The following PTAFR variants were observed in gnomAD, a reference collection of about 807,000 sequenced individuals.
PTAFR encodes platelet activating factor receptor, also known as platelet-activating factor receptor.
Under a neutral mutation model 14.7 loss-of-function variants are expected in PTAFR, and 8 were observed. That is an observed-to-expected ratio of 0.54 (90% CI 0.32 to 0.98). PTAFR has a LOEUF of 0.98. Among genes scored for constraint, PTAFR ranks in the 50% least tolerant of loss-of-function variants. PTAFR has a pLI of 0.04. For missense variants in PTAFR, 337 were observed against 451.2 expected (o/e 0.75, Z 2.29); for synonymous variants, 156 against 176.5 (o/e 0.88, Z 0.92).
chr1:28,165,901 T>G (rs1557690819), intron 1 of PTAFR, among the ~76,000 whole-genome samples: 1 of 152,238 alleles, frequency 6.6e-6, no homozygotes, highest in Non-Finnish European at 1.5e-5. Context: ...CAAAGTGATC[T>G]ACAGGTTCAA....
In PTAFR at chr1:28,150,280, G is replaced by A; in HGVS notation, c.742C>T (p.His248Tyr). The change falls in exon 2 of 2, where the codon CAC becomes TAC. Residue 248 changes from histidine to tyrosine, a missense_variant. His to Tyr is a moderately conservative substitution (Grantham distance 83). Transcript: ENST00000373857. This position sits in a 1 kb window ranked among gnomAD's most constrained non-coding sequence, Gnocchi z 6.3. ...GTCCAGGGCAGCTGCACCACGTGGT[G>A]GGGCACGAAGCAGATGATGAACACC... ...LAVFIICFVP[H>Y]HVVQLPWTLA... 1.2e-6 allele frequency: 2 copies of A among 1,612,044 alleles called. No homozygotes were observed. The highest frequency in any genetic ancestry group is 2.2e-5 in the South Asian group (2 of 90,970).
At chr1:28,181,042 C>T (rs772754478), upstream of PTAFR, among the ~76,000 whole-genome samples, 4 of 151,992 alleles carry the variant, frequency 2.6e-5, no homozygotes, top group African/African-American at 9.7e-5. Flanking sequence ...CGATCTCAGT[C>T]TCACTGTGTT....
chr1:28,162,565 C>T (rs921211284), intron 1 of PTAFR, among the ~76,000 whole-genome samples: 1 of 152,252 alleles, frequency 6.6e-6, no homozygotes, highest in East Asian at 1.9e-4. Flanking sequence ...GTGGCTCACG[C>T]CTGTCATCCC....
chr1:28,157,754 G>T (rs577362450), intron 1 of PTAFR, among the ~76,000 whole-genome samples: 1 of 149,874 alleles, frequency 6.7e-6, no homozygotes, highest in Non-Finnish European at 1.5e-5. Context: ...TCAGCCTCCC[G>T]AGTGGCTGGG....
exon 1 of PTAFR, chr1:28,193,810 T>G (rs1646677273): frequency 6.6e-6 from 1 of 152,646 alleles, no homozygotes; most frequent in African/African-American, 2.4e-5. Flanking sequence ...CTGGACGGCT[T>G]CTCGGGGAGG....
chr1:28,173,339 C>T lies in PTAFR; in HGVS notation c.-39+3253G>A, dbSNP rs370098662. Among the ~76,000 whole-genome samples, 364 of 148,230 alleles carry T rather than the reference C, an allele frequency of 2.5e-3. 3 individuals are homozygous for T. Among genetic ancestry groups the T allele is most frequent in the African/African-American group, 8.7e-3 (350 of 40,180 alleles). On this transcript the variant is annotated intron_variant, in intron 1 of 1. Transcript: ENST00000373857. ...GGGGGGTGTAGGCCAGGCATGGTGGCTCACATCTGTAATCCCAGCACTTTG... is the reference window on the plus strand; with the variant it reads ...GGGGGGTGTAGGCCAGGCATGGTGGTTCACATCTGTAATCCCAGCACTTTG...
chr1:28,161,188 A>T (rs529459615), intron 1 of PTAFR, among the ~76,000 whole-genome samples: 1 of 152,266 alleles, frequency 6.6e-6, no homozygotes, highest in Admixed American at 6.5e-5. Flanking sequence ...GGTCTGGTTA[A>T]GTGCCCATTC....
intron 1 of PTAFR, among the ~76,000 whole-genome samples, chr1:28,165,868 A>G (rs1013618357): frequency 3.9e-5 from 6 of 152,338 alleles, no homozygotes; most frequent in African/African-American, 1.4e-4. Flanking sequence ...AAGACTTAAT[A>G]TTATTAAAAT....
chr1:28,193,504 A>T (rs865955067), intron 1 of PTAFR, among the ~76,000 whole-genome samples: 1 of 151,474 alleles, frequency 6.6e-6, no homozygotes, highest in Non-Finnish European at 1.5e-5. Flanking sequence ...TCTGTTGGTG[A>T]GTGTGTGTGA....
intron 1 of PTAFR, among the ~76,000 whole-genome samples, chr1:28,191,401 A>G (rs1646650942): frequency 6.6e-6 from 1 of 152,222 alleles, no homozygotes; most frequent in Non-Finnish European, 1.5e-5. Flanking sequence ...TGACATTGGT[A>G]TGAAATGTAA....
At chr1:28,168,882 A>G (rs1646421665) in intron 1 of PTAFR, among the ~76,000 whole-genome samples, 1 of 152,024 alleles carries the variant, frequency 6.6e-6, no homozygotes, top group African/African-American at 2.4e-5. Context: ...TGACCAGGAT[A>G]GTCTCGAACT....
intron 1 of PTAFR, among the ~76,000 whole-genome samples, chr1:28,175,713 C>T (rs1410606659): frequency 6.6e-6 from 1 of 152,062 alleles, no homozygotes; most frequent in Non-Finnish European, 1.5e-5. Context: ...TGGTTATTTT[C>T]AGCACCCCCT....
At chr1:28,166,469 G>A (rs1646386025) in intron 1 of PTAFR, among the ~76,000 whole-genome samples, 1 of 152,058 alleles carries the variant, frequency 6.6e-6, no homozygotes, top group Non-Finnish European at 1.5e-5. Flanking sequence ...GTCAGGAGTT[G>A]AAGACCAGCC....
chr1:28,170,650 T>C (rs1646442866), intron 1 of PTAFR, among the ~76,000 whole-genome samples: 1 of 152,064 alleles, frequency 6.6e-6, no homozygotes, highest in African/African-American at 2.4e-5. Flanking sequence ...TACAGTAAGC[T>C]ATGATCATAC....
chr1:28,152,189 C>T (rs1395077010), intron 1 of PTAFR, among the ~76,000 whole-genome samples: 1 of 152,098 alleles, frequency 6.6e-6, no homozygotes, highest in African/African-American at 2.4e-5. Context: ...GAGCCACCAC[C>T]CCTGACCATG....
chr1:28,174,963 G>T (rs1290304985), intron 1 of PTAFR, among the ~76,000 whole-genome samples: 1 of 152,206 alleles, frequency 6.6e-6, no homozygotes, highest in African/African-American at 2.4e-5. Flanking sequence ...GTCTCGCTCT[G>T]TTGCCCAGGC....
At chr1:28,168,214 G>A (rs978593090) in intron 1 of PTAFR, among the ~76,000 whole-genome samples, 2 of 149,480 alleles carry the variant, frequency 1.3e-5, no homozygotes, top group African/African-American at 2.5e-5. Flanking sequence ...CTCGTGATCC[G>A]CCCTCCTCGG....
At position 28,149,002 on chromosome 1, in the gene PTAFR, C is replaced by T. The variant is rs1327370736; in HGVS notation, c.*991G>A. 1 of 152,330 alleles carries T rather than the reference C, an allele frequency of 6.6e-6. No homozygotes were observed. The highest frequency in any genetic ancestry group is 1.5e-5 in the Non-Finnish European group (1 of 68,096). 9.4% of individuals were successfully genotyped at this position (152,330 alleles called of 1,614,324 possible). ...AGAGGAGGTGGGCATCTCCTTCCCACTCCCCCAGAGCTGACTGGACTAGAG... is the reference window on the plus strand; with the variant it reads ...AGAGGAGGTGGGCATCTCCTTCCCATTCCCCCAGAGCTGACTGGACTAGAG... On this transcript the variant is annotated 3_prime_UTR_variant, in exon 2 of 2. Transcript: ENST00000373857.
chr1:28,154,081 GAAAAAAAAAAA>G (rs71586829), intron 1 of PTAFR, among the ~76,000 whole-genome samples: 14 of 55,518 alleles, frequency 2.5e-4, no homozygotes, highest in South Asian at 2.4e-3. Context: ...CCTTGTCTCA[GAAAAAAAAAAA>G]AAAAAAAAAA....
Sources: gnomAD v4.1 joint callset for allele counts (sites outside exome capture counted in the v4.1 genomes callset) on GRCh38, gnomAD v4.1.1 for gene constraint, Gnocchi (gnomAD v3.1) non-coding constraint, MANE v1.5 for transcripts, NCBI Gene and HGNC (gene_info 2026-07-23, HGNC 2026-07-21) for gene names.